The following ACOT1 variants were observed in gnomAD, a reference collection of about 807,000 sequenced individuals.
ACOT1 encodes the protein acyl-coenzyme A thioesterase 1.
A neutral mutation model predicts 15.7 loss-of-function variants in ACOT1; 8 were observed. The observed-to-expected ratio is 0.51, with a 90% confidence interval of 0.30 to 0.92. The LOEUF is 0.92. ACOT1 is among the 40% of genes least tolerant of loss of function. The pLI is 0.06. For missense variants in ACOT1, 151 were observed against 539.4 expected, an observed-to-expected ratio of 0.28 and a Z score of 7.13; for synonymous variants, 67 against 241.2, an observed-to-expected ratio of 0.28 and a Z score of 6.69.
the ACOT1 span, chr14:73,491,648 G>A: frequency 5.2e-6 from 8 of 1,549,518 alleles, no homozygotes; most frequent in African/African-American, 8.2e-5. Flanking sequence ...GTGGCTCATC[G>A]CGCCCATGCC....
rs1251101181 is a variant in ACOT1 at position 73,542,066 on chromosome 14, G to T, written c.660+371G>T. Among the ~76,000 whole-genome samples the T allele has an allele frequency of 1.8e-5, 2 of 112,760 alleles. 1 individual carries two copies. Among genetic ancestry groups the T allele is most frequent in the Non-Finnish European group, 3.8e-5 (2 of 52,490 alleles). The allele number at this position is 112,760 out of a possible 152,430, so 74.0% of individuals were successfully genotyped here. On this transcript the variant is annotated intron_variant, in intron 2 of 2. Transcript: ENST00000311148. ...AGACGGGGTTTCACAATATTTGTCA[G>T]GCTGGTCTTGAATTCCTGACCTCAA...
chr14:73,495,336 C>G, the ACOT1 span: 1 of 1,613,936 alleles, frequency 6.2e-7, no homozygotes, highest in Non-Finnish European at 8.5e-7. Context: ...ATGACCATCT[C>G]CAGCTTGAGT....
the ACOT1 span, chr14:73,493,433 G>T: frequency 1.4e-5 from 4 of 291,756 alleles, no homozygotes; most frequent in East Asian, 2.4e-4. Flanking sequence ...GGGATGGTTC[G>T]AAGAAATGCA....
the ACOT1 span, among the ~76,000 whole-genome samples, chr14:73,507,966 G>C: frequency 6.6e-6 from 1 of 152,072 alleles, no homozygotes; most frequent in Admixed American, 6.6e-5. Context: ...GTCTGGTCTC[G>C]AACTCCTGAC....
the ACOT1 span, among the ~76,000 whole-genome samples, chr14:73,493,819 C>T: frequency 6.6e-6 from 1 of 152,214 alleles, no homozygotes; most frequent in Non-Finnish European, 1.5e-5. Flanking sequence ...GCCTGGGCAA[C>T]AGAGCGAGAC....
chr14:73,503,867 G>A, the ACOT1 span, among the ~76,000 whole-genome samples: 4 of 152,144 alleles, frequency 2.6e-5, no homozygotes, highest in Admixed American at 2.6e-4. Context: ...TAGACATACT[G>A]CCTTTCTTAG....
chr14:73,499,192 C>A, the ACOT1 span: 1 of 1,519,914 alleles, frequency 6.6e-7, no homozygotes, highest in South Asian at 1.1e-5. Flanking sequence ...AAGAATGAAC[C>A]AGAAACAGCT....
the ACOT1 span, among the ~76,000 whole-genome samples, chr14:73,511,109 G>C: frequency 6.6e-6 from 1 of 152,188 alleles, no homozygotes; most frequent in African/African-American, 2.4e-5. Flanking sequence ...AAGGGGAAAG[G>C]TTTGTTATCC....
the ACOT1 span, among the ~76,000 whole-genome samples, chr14:73,495,837 A>G: frequency 1.3e-5 from 2 of 152,210 alleles, no homozygotes; most frequent in Middle Eastern, 3.4e-3. Flanking sequence ...GAAAAATTAG[A>G]ACAATCCAGG....
At chr14:73,523,186 C>T in the ACOT1 span, 3 of 1,529,230 alleles carry the variant, frequency 2.0e-6, no homozygotes, top group Non-Finnish European at 2.6e-6. Context: ...TTCCACACTG[C>T]CTGGCCTAGA....
chr14:73,500,625 G>T, the ACOT1 span: 1 of 1,614,176 alleles, frequency 6.2e-7, no homozygotes, highest in Middle Eastern at 1.7e-4. Context: ...CATCAGAGAA[G>T]CAGTGCAGGA....
At chr14:73,511,581 G>C in the ACOT1 span, among the ~76,000 whole-genome samples, 1 of 146,760 alleles carries the variant, frequency 6.8e-6, no homozygotes, top group Non-Finnish European at 1.5e-5. Flanking sequence ...AAATAAAAAA[G>C]AATGGGCTCT....
At chr14:73,491,778 A>G in the ACOT1 span, 1 of 1,576,538 alleles carries the variant, frequency 6.3e-7, no homozygotes, top group Non-Finnish European at 8.6e-7. Flanking sequence ...CTGCGCAACG[A>G]GGAGGTGCAG....
the ACOT1 span, chr14:73,491,597 C>T: frequency 6.5e-7 from 1 of 1,546,506 alleles, no homozygotes; most frequent in Non-Finnish European, 8.7e-7. Flanking sequence ...CGAGCTGAAC[C>T]GCATCCCCAG....
the ACOT1 span, among the ~76,000 whole-genome samples, chr14:73,514,753 G>A: frequency 1.4e-4 from 21 of 152,264 alleles, 2 homozygotes; most frequent in East Asian, 4.0e-3. Context: ...AGAAGAAGCC[G>A]TAAATATTAG....
At chr14:73,516,663 C>A in the ACOT1 span, among the ~76,000 whole-genome samples, 1 of 152,166 alleles carries the variant, frequency 6.6e-6, no homozygotes, top group Non-Finnish European at 1.5e-5. Context: ...GGGCCTGTAC[C>A]AGTTCATGGC....
chr14:73,519,847 C>T, the ACOT1 span: 1 of 152,204 alleles, frequency 6.6e-6, no homozygotes, highest in Non-Finnish European at 1.5e-5. Flanking sequence ...GAAACCCTGT[C>T]TCTACTAGAA....
chr14:73,534,950 G>A (rs1395037654), upstream of ACOT1, among the ~76,000 whole-genome samples: 1 of 111,820 alleles, frequency 8.9e-6, no homozygotes, highest in Non-Finnish European at 1.9e-5. Flanking sequence ...TTCAGCTACT[G>A]GGGGAGTGTT....
intron 1 of ACOT1, 143 bp from the exon 2 acceptor site, chr14:73,541,343 CGAACACA>C: frequency 1.4e-6 from 1 of 704,718 alleles, no homozygotes; most frequent in South Asian, 1.8e-5. Flanking sequence ...AGTTTCTGGA[CGAACACA>C]GGTTTTCATT....
Sources: gnomAD v4.1 joint callset for allele counts (sites outside exome capture counted in the v4.1 genomes callset) on GRCh38, gnomAD v4.1.1 for gene constraint, MANE v1.5 for transcripts, NCBI Gene and HGNC (gene_info 2026-07-23, HGNC 2026-07-21) for gene names.